The following APOA4 variants were observed in gnomAD, a reference collection of about 807,000 sequenced individuals.
APOA4 encodes apolipoprotein A-IV.
In APOA4, 25 loss-of-function variants were observed where a neutral mutation model predicts 33.6. The ratio of observed to expected loss-of-function variants is 0.74; its 90% CI spans 0.54 to 1.04. APOA4 has a LOEUF of 1.04. Ranked by LOEUF, APOA4 falls within the 50% of genes least tolerant of loss-of-function variation. APOA4 has a pLI of 0.00. For synonymous variants in APOA4, 228 were observed against 224.0 expected, an observed-to-expected ratio of 1.02 and a Z score of -0.16; for missense variants, 549 against 510.4, an observed-to-expected ratio of 1.08 and a Z score of -0.73.
rs1447642982 is a variant in APOA4 at position 116,821,722 on chromosome 11, C to G, written c.336G>C (p.Arg112=). The part of the protein sequence containing the change: ...IGKELEELRA[R]LLPHANEVSQ... ...TCACCTCATTGGCATGGGGCAGCAG[C>G]CGGGCCCTCAGCTCCTCCAGCTCCT... The change falls in exon 3 of 3, where the codon CGG becomes CGC. Residue 112 remains arginine, a synonymous_variant. Coordinates refer to ENST00000357780, the MANE Select transcript of APOA4 (RefSeq NM_000482.4). 6.4e-7 allele frequency: 1 copy of G among 1,551,312 alleles called. No homozygotes were observed.
At position 116,821,257 on chromosome 11, in the gene APOA4, C is replaced by T. The variant is rs1394920398; in HGVS notation, c.801G>A (p.Leu267=). Residue 267 remains leucine, a synonymous_variant, in exon 3 of 3, where the codon CTG becomes CTA. Transcript: ENST00000357780. ...CACGCACGTCCTCGGCCAAGGGCGC[C>T]AGCCTCTGCCGCAGCTCCTCGGCAC... The part of the protein sequence containing the change: ...SASAEELRQR[L]APLAEDVRGN... 6.2e-7 allele frequency: 1 copy of T among 1,613,360 alleles called. No individual in the cohort carries two copies. The highest frequency in any genetic ancestry group is 2.2e-5 in the East Asian group (1 of 44,882).
At chr11:116,823,022 C>G in intron 1 of APOA4, 121 bp downstream of exon 1, 1 of 1,429,806 alleles carries the variant, frequency 7.0e-7, no homozygotes, top group Non-Finnish European at 9.8e-7. Context: ...CCAGGCAGAC[C>G]TCATGTCCAG....
rs1282027343 is a variant in APOA4, at chr11:116,821,219, C to T, written c.839G>A (p.Gly280Asp). The T allele has an allele frequency of 1.2e-6, 2 of 1,613,192 alleles. No individual in the cohort carries two copies. The highest frequency in any genetic ancestry group is 1.1e-5 in the South Asian group (1 of 91,084). The change falls in exon 3 of 3, where the codon GGC becomes GAC. Residue 280 changes from glycine to aspartate, a missense_variant. By Grantham distance (94) the Gly-to-Asp change is moderately conservative. Coordinates refer to ENST00000357780, the MANE Select transcript of APOA4 (RefSeq NM_000482.4). ...TGACTTCTGCAGCCCCTCGGTGTTG[C>T]CCCTCAGGTTGCCACGCACGTCCTC... is the stretch of plus-strand genomic sequence containing the variant. Reference protein sequence around the residue: ...LAEDVRGNLRGNTEGLQKSLA... With the variant: ...LAEDVRGNLRDNTEGLQKSLA...
intron 1 of APOA4, among the ~76,000 whole-genome samples, 169 bp downstream of exon 1, chr11:116,822,974 C>A (rs1052590949): frequency 6.6e-6 from 1 of 152,256 alleles, no homozygotes; most frequent in Non-Finnish European, 1.5e-5. Context: ...GGGCCCACCA[C>A]TGGGACTGGG....
At chr11:116,822,632 A>G (rs1374205893) in intron 2 of APOA4, 27 bp downstream of exon 2, 3 of 1,614,162 alleles carry the variant, frequency 1.9e-6, no homozygotes, top group Non-Finnish European at 1.7e-6. Flanking sequence ...ATTCCCCGTC[A>G]CCACCGCACA....
chr11:116,823,284 A>T lies in APOA4; in HGVS notation c.-93T>A. 1 of 1,444,214 alleles carries T rather than the reference A, an allele frequency of 6.9e-7. No homozygotes were observed. Among genetic ancestry groups the T allele is most frequent in the Non-Finnish European group, 9.7e-7 (1 of 1,025,942 alleles). 89.5% of individuals were successfully genotyped at this position (1,444,214 alleles called of 1,614,324 possible). On this transcript the variant is annotated 5_prime_UTR_variant, in exon 1 of 3. Transcript: ENST00000357780. ...GACAGAGAGGTCCTCAGGAGAGCTC[A>T]CCTGCGCTGCAGTGGGAACTGACTG...
Position 116,820,762 on chromosome 11 carries a change from A to G in APOA4, c.*105T>C. The G allele has an allele frequency of 6.5e-7, 1 of 1,529,312 alleles. No homozygotes were observed. The highest frequency in any genetic ancestry group is 1.9e-5 in the Admixed American group (1 of 51,942). 94.7% of individuals were successfully genotyped at this position (1,529,312 alleles called of 1,614,324 possible). ...GAGGTGGTCTCACCTCCCACTGGAC[A>G]TGTGTCCTCAAGTTCATACCAGAAC... On this transcript the variant is annotated 3_prime_UTR_variant, in exon 3 of 3. Coordinates refer to ENST00000357780, the MANE Select transcript of APOA4 (RefSeq NM_000482.4).
chr11:116,821,149 G>A lies in APOA4; in HGVS notation c.909C>T (p.Phe303=), dbSNP rs753125110. The A allele has an allele frequency of 8.1e-6, 13 of 1,613,530 alleles. No individual in the cohort carries two copies. The South Asian group carries it at 8.8e-5, about 11-fold the overall frequency. ...GGHLDQQVEE[F]RRRVEPYGEN... is the part of the protein sequence containing the mutation. ...CCCCGTAGGGCTCCACCCGGCGTCG[G>A]AACTCCTCCACCTGCTGGTCCAGGT... Residue 303 remains phenylalanine (F), a synonymous_variant, in exon 3 of 3, where the codon TTC becomes TTT. Transcript: ENST00000357780.
chr11:116,822,819 C>T (rs532904340), intron 1 of APOA4, 34 bp from the exon 2 acceptor site: 24 of 1,613,246 alleles, frequency 1.5e-5, no homozygotes, highest in South Asian at 5.5e-5. Context: ...CATGAGGCCC[C>T]GTCTCCTGTG....
chr11:116,822,713 T>C lies in APOA4; in HGVS notation c.122A>G (p.Asn41Ser). 6.2e-7 allele frequency: 1 copy of C among 1,614,230 alleles called. No individual in the cohort carries two copies. The highest frequency in any genetic ancestry group is 1.1e-5 in the South Asian group (1 of 91,090). The part of the protein sequence containing the change: ...MWDYFSQLSN[N>S]AKEAVEHLQK... ...GAGATGTTCCACGGCCTCCTTGGCA[T>C]TGTTGCTCAGCTGGCTGAAGTAGTC... The change falls in exon 2 of 3, where the codon AAT becomes AGT. Residue 41 changes from asparagine to serine, a missense_variant. Asn to Ser is a conservative substitution (Grantham distance 46). Coordinates refer to ENST00000357780, the MANE Select transcript of APOA4 (RefSeq NM_000482.4).
Position 116,821,368 on chromosome 11 carries a change from C to G in APOA4, c.690G>C (p.Thr230=), listed in dbSNP as rs371396568. Residue 230 remains threonine, a synonymous_variant, in exon 3 of 3, where the codon ACG becomes ACC. Coordinates refer to ENST00000357780, the MANE Select transcript of APOA4 (RefSeq NM_000482.4). ...CAAGCTGGTGGTTGAGCTTCTCCTG[C>G]GTGTCCTGAGCATAGGGAGCCAGGC... ...RRSLAPYAQD[T]QEKLNHQLEG... is the part of the protein sequence containing the mutation. 6.2e-7 allele frequency: 1 copy of G among 1,614,070 alleles called. No individual in the cohort carries two copies. Among genetic ancestry groups the G allele is most frequent in the Admixed American group, 1.7e-5 (1 of 60,012 alleles).
chr11:116,822,003 G>C, intron 2 of APOA4, 122 bp from the exon 3 acceptor site: 1 of 1,259,056 alleles, frequency 7.9e-7, no homozygotes, highest in South Asian at 1.2e-5. Flanking sequence ...CAGAGGTACC[G>C]AGTTCACCCT....
At chr11:116,822,308 A>T (rs1247505625) in intron 2 of APOA4, among the ~76,000 whole-genome samples, 1 of 152,096 alleles carries the variant, frequency 6.6e-6, no homozygotes, top group Non-Finnish European at 1.5e-5. Context: ...GGGCCTCCCA[A>T]ATATTCCCAC....
Position 116,821,244 on chromosome 11 carries a change from C to T in APOA4, c.814G>A (p.Glu272Lys), listed in dbSNP as rs1366912241. ...CCCCTCAGGTTGCCACGCACGTCCT[C>T]GGCCAAGGGCGCCAGCCTCTGCCGC... ...ELRQRLAPLA[E>K]DVRGNLRGNT... The change falls in exon 3 of 3, where the codon GAG (glutamate) becomes AAG (lysine). Residue 272 changes from glutamate (E) to lysine (K), a missense_variant. Coordinates refer to ENST00000357780, the MANE Select transcript of APOA4 (RefSeq NM_000482.4). 29 of 1,612,940 alleles carry T rather than the reference C, an allele frequency of 1.8e-5. No homozygotes were observed. The Admixed American group carries it at 2.0e-4, about 11-fold the overall frequency.
In APOA4 at chr11:116,820,702, G is replaced by A. The variant is rs1941308514; in HGVS notation, c.*165C>T. 9 of 1,256,972 alleles carry A rather than the reference G, an allele frequency of 7.2e-6. No homozygotes were observed. The highest frequency in any genetic ancestry group is 9.8e-6 in the Non-Finnish European group (9 of 914,386). 77.9% of individuals were successfully genotyped at this position (1,256,972 alleles called of 1,614,324 possible). A position where few individuals can be genotyped will look rare whatever the true frequency, so the allele number is the denominator to read the frequency against. On this transcript the variant is annotated 3_prime_UTR_variant, in exon 3 of 3. Coordinates refer to ENST00000357780, the MANE Select transcript of APOA4 (RefSeq NM_000482.4). ...AGGAGGATTCATCCGGCAACCAGTTGAGGCTAGATTCTCAGCAGCTTTATT... is the reference window on the plus strand; with the variant it reads ...AGGAGGATTCATCCGGCAACCAGTTAAGGCTAGATTCTCAGCAGCTTTATT...
intron 2 of APOA4, 94 bp downstream of exon 2, chr11:116,822,565 C>T (rs1941339242): frequency 6.3e-7 from 1 of 1,596,292 alleles, no homozygotes; most frequent in Non-Finnish European, 8.6e-7. Flanking sequence ...GTATCCTAAG[C>T]TCAGGGCTCC....
chr11:116,821,488 G>T lies in APOA4; in HGVS notation c.570C>A (p.Ile190=), dbSNP rs145525856. ...CCTTGAGCTCCTCCACGTTCTGGTCGATCTTGGCCTTGAGCTCGTCGGCGT... is the reference window on the plus strand; with the variant it reads ...CCTTGAGCTCCTCCACGTTCTGGTCTATCTTGGCCTTGAGCTCGTCGGCGT... ...RPHADELKAK[I]DQNVEELKGR... Residue 190 remains isoleucine (I), a synonymous_variant, in exon 3 of 3, where the codon ATC becomes ATA. Coordinates refer to ENST00000357780, the MANE Select transcript of APOA4 (RefSeq NM_000482.4). 9.2e-5 allele frequency: 148 copies of T among 1,614,098 alleles called. No homozygotes were observed. The African/African-American group carries it at 1.5e-3, about 17-fold the overall frequency.
rs983632449 is a variant in APOA4 at position 116,821,412 on chromosome 11, C to T, written c.646G>A (p.Val216Met). Residue 216 changes from valine (V) to methionine (M), a missense_variant, in exon 3 of 3, where the codon GTG (valine) becomes ATG (methionine). Physicochemically the swap from Val to Met is conservative, Grantham distance 21. Transcript: ENST00000357780. ...GCCAGGCTGCGGCGCAGCTCCTCCA[C>T]GGTCTGGTCAATCTTGACTTTGAAT... Reference protein sequence around the residue: ...DEFKVKIDQTVEELRRSLAPY... With the variant: ...DEFKVKIDQTMEELRRSLAPY... 68 of 1,614,060 alleles carry T rather than the reference C, an allele frequency of 4.2e-5. No homozygotes were observed. The highest frequency in any genetic ancestry group is 5.6e-5 in the Non-Finnish European group (66 of 1,180,032).
In APOA4 at chr11:116,823,264, A is replaced by G. The variant is rs932400680; in HGVS notation, c.-73T>C. The G allele has an allele frequency of 2.5e-6, 4 of 1,568,836 alleles. No homozygotes were observed. In the Admixed American group the frequency reaches 5.0e-5, roughly 20 times the overall value. ...TCCCTACAATCAGGGGAGCTGACAG[A>G]GAGGTCCTCAGGAGAGCTCACCTGC... is the stretch of plus-strand genomic sequence containing the variant. On this transcript the variant is annotated 5_prime_UTR_variant, in exon 1 of 3. Transcript: ENST00000357780.
Sources: allele counts gnomAD v4.1 joint callset (sites outside exome capture counted in the v4.1 genomes callset), GRCh38; gene constraint gnomAD v4.1.1; transcripts MANE v1.5; gene names NCBI Gene and HGNC (gene_info 2026-07-23, HGNC 2026-07-21).